Variants in C2orf76 observed in about 807,000 individuals in gnomAD.
The protein encoded by C2orf76 is chromosome 2 open reading frame 76.
C2orf76 carries 23 observed loss-of-function variants against 16.9 expected under a neutral mutation model. The ratio of observed to expected loss-of-function variants is 1.36; its 90% CI spans 0.98 to 1.93. The LOEUF (loss-of-function observed/expected upper bound fraction) is 1.93. C2orf76 is among the 30% of genes most tolerant of loss of function. C2orf76 has a pLI of 0.00. For missense variants in C2orf76, 152 were observed against 152.6 expected (o/e 1.00, Z 0.02); for synonymous variants, 48 against 52.3 (o/e 0.92, Z 0.35).
intron 2 of C2orf76, among the ~76,000 whole-genome samples, chr2:119,324,039 G>C (rs186305318): frequency 1.6e-4 from 24 of 152,220 alleles, no homozygotes; most frequent in African/African-American, 5.5e-4. Flanking sequence ...TGTGAATTAT[G>C]GGCCAAAGCA....
chr2:119,351,011 G>A (rs1680385344), intron 1 of C2orf76, among the ~76,000 whole-genome samples: 1 of 152,218 alleles, frequency 6.6e-6, no homozygotes, highest in African/African-American at 2.4e-5. Flanking sequence ...GATTCTGGTT[G>A]TTGGTAGTAG....
In C2orf76 at chr2:119,339,873, C is replaced by G; in HGVS notation, c.87G>C (p.Val29=). ...RNFKPVVYHG[V]NLDQTVKEFI... Reference sequence around the variant, plus strand: ...ATTCCTTTACAGTTTGGTCCAAATTCACTCCGTGATACACTACAGGTTTGA... The same window carrying G: ...ATTCCTTTACAGTTTGGTCCAAATTGACTCCGTGATACACTACAGGTTTGA... Residue 29 remains valine (V), a synonymous_variant, in exon 2 of 6, where the codon GTG becomes GTC. Transcript: ENST00000334816. 2 of 1,610,654 alleles carry G rather than the reference C, an allele frequency of 1.2e-6. No homozygotes were observed. The highest frequency in any genetic ancestry group is 2.2e-5 in the South Asian group (2 of 90,922).
chr2:119,313,195 A>G (rs1679052940), intron 4 of C2orf76, among the ~76,000 whole-genome samples: 1 of 152,152 alleles, frequency 6.6e-6, no homozygotes, highest in Admixed American at 6.5e-5. Flanking sequence ...CAGCAGCCAA[A>G]TCAGAAGCCC....
At chr2:119,339,730 C>CT in intron 2 of C2orf76, 97 bp downstream of exon 2, 1 of 1,342,028 alleles carries the variant, frequency 7.5e-7, no homozygotes, top group Non-Finnish European at 1.0e-6. Flanking sequence ...GTTAATCTTT[C>CT]AAAGTACTTT....
chr2:119,362,247 A>C (rs1680768170), intron 1 of C2orf76, among the ~76,000 whole-genome samples: 1 of 152,238 alleles, frequency 6.6e-6, no homozygotes, highest in South Asian at 2.1e-4. Flanking sequence ...AAATGTGTTA[A>C]TCAACTGTTT....
chr2:119,305,487 C>A (rs1678746766), intron 5 of C2orf76, among the ~76,000 whole-genome samples: 1 of 152,196 alleles, frequency 6.6e-6, no homozygotes, highest in Non-Finnish European at 1.5e-5. Context: ...AGTCCCTAGC[C>A]TCATGCTAGT....
the C2orf76 span, among the ~76,000 whole-genome samples, chr2:119,291,382 G>A: frequency 6.6e-6 from 1 of 151,906 alleles, no homozygotes; most frequent in Non-Finnish European, 1.5e-5. Context: ...GTTACAGCCA[G>A]AGAATAGTGA....
chr2:119,300,224 T>A (rs55890429), downstream of C2orf76, among the ~76,000 whole-genome samples: 4,067 of 152,256 alleles, frequency 0.027, 181 homozygotes, highest in African/African-American at 0.091. Context: ...GTAAATTAAC[T>A]ACCACACCAT....
intron 1 of C2orf76, among the ~76,000 whole-genome samples, chr2:119,364,962 C>G (rs11123516): frequency 0.17 from 26,285 of 151,908 alleles, 2,449 homozygotes; most frequent in East Asian, 0.23. Context: ...GTTGTGCCCA[C>G]ATTTCCAGCT....
intron 1 of C2orf76, among the ~76,000 whole-genome samples, chr2:119,352,218 G>C (rs563396500): frequency 6.6e-6 from 1 of 152,164 alleles, no homozygotes; most frequent in African/African-American, 2.4e-5. Context: ...GAATCATTTT[G>C]AAAAACCAAA....
chr2:119,292,584 C>G, the C2orf76 span, among the ~76,000 whole-genome samples: 1 of 152,156 alleles, frequency 6.6e-6, no homozygotes, highest in Non-Finnish European at 1.5e-5. Flanking sequence ...GACTGCTGAC[C>G]AATTATTCCA....
chr2:119,324,241 T>G (rs577073359), intron 2 of C2orf76, among the ~76,000 whole-genome samples: 4 of 152,326 alleles, frequency 2.6e-5, no homozygotes, highest in Non-Finnish European at 4.4e-5. Flanking sequence ...TCCAGACTTC[T>G]GAGAGAAGAG....
At chr2:119,296,012 T>G in the C2orf76 span, among the ~76,000 whole-genome samples, 2 of 152,222 alleles carry the variant, frequency 1.3e-5, no homozygotes, top group East Asian at 3.8e-4. Flanking sequence ...GCTCATATTC[T>G]AGCCCAAAAT....
intron 2 of C2orf76, among the ~76,000 whole-genome samples, chr2:119,334,279 A>C (rs920579674): frequency 2.0e-5 from 3 of 148,768 alleles, no homozygotes; most frequent in African/African-American, 7.4e-5. Context: ...CAGTGAAACT[A>C]TTCTGTACGG....
chr2:119,339,110 G>A (rs1031161015), intron 2 of C2orf76: 15 of 152,142 alleles, frequency 9.9e-5, no homozygotes, highest in African/African-American at 3.6e-4. Context: ...TCATGTCAAA[G>A]TAAAAAAATT....
chr2:119,309,074 A>G (rs1476261535), intron 5 of C2orf76, among the ~76,000 whole-genome samples: 3 of 152,138 alleles, frequency 2.0e-5, no homozygotes, highest in African/African-American at 7.2e-5. Flanking sequence ...TGTTATTTTC[A>G]TAGAGATGAG....
At chr2:119,342,910 C>T (rs951945964) in intron 1 of C2orf76, among the ~76,000 whole-genome samples, 7 of 152,070 alleles carry the variant, frequency 4.6e-5, no homozygotes, top group African/African-American at 1.4e-4. Context: ...GCTGGGACTA[C>T]AGGTACGCGC....
chr2:119,296,779 T>C, the C2orf76 span, among the ~76,000 whole-genome samples: 2 of 152,212 alleles, frequency 1.3e-5, no homozygotes, highest in African/African-American at 4.8e-5. Context: ...CAAGTGTTCC[T>C]TTGGCAAAGG....
intron 2 of C2orf76, among the ~76,000 whole-genome samples, chr2:119,321,821 G>A (rs1051078437): frequency 1.3e-5 from 2 of 150,532 alleles, no homozygotes; most frequent in Admixed American, 6.7e-5. Flanking sequence ...TCTATGTATA[G>A]TTAAAATATA....
Sources: allele counts gnomAD v4.1 joint callset (sites outside exome capture counted in the v4.1 genomes callset), GRCh38; gene constraint gnomAD v4.1.1; transcripts MANE v1.5; gene names NCBI Gene and HGNC (gene_info 2026-07-23, HGNC 2026-07-21).